The following CCDC73 variants were observed in gnomAD, a reference collection of about 807,000 sequenced individuals.
CCDC73 encodes coiled-coil domain containing 73.
A neutral mutation model predicts 116.5 loss-of-function variants in CCDC73; 95 were observed. The observed-to-expected ratio is 0.82, with a 90% confidence interval of 0.69 to 0.97. The LOEUF (loss-of-function observed/expected upper bound fraction) is 0.97. CCDC73 is among the 50% of genes least tolerant of loss of function. CCDC73 has a pLI of 0.00. For missense variants in CCDC73, 1,066 were observed against 1,206.8 expected (o/e 0.88, Z 1.73); for synonymous variants, 398 against 401.3 (o/e 0.99, Z 0.10).
intron 6 of CCDC73, among the ~76,000 whole-genome samples, chr11:32,688,067 AG>A (rs1371735193): frequency 2.0e-5 from 3 of 152,210 alleles, no homozygotes; most frequent in African/African-American, 7.2e-5. Flanking sequence ...ATATATTAAA[AG>A]TTTGGTGAGA....
chr11:32,711,677 A>G (rs1336130683), intron 3 of CCDC73, among the ~76,000 whole-genome samples: 1 of 152,184 alleles, frequency 6.6e-6, no homozygotes, highest in East Asian at 1.9e-4. Context: ...TGTTCGGGTG[A>G]TGGGTGCACC....
intron 2 of CCDC73, among the ~76,000 whole-genome samples, chr11:32,745,749 T>TG (rs1850231674): frequency 2.9e-5 from 4 of 138,602 alleles, no homozygotes; most frequent in Non-Finnish European, 4.9e-5. Flanking sequence ...GTTTTGGTTT[T>TG]TTTTTTTTTT....
At chr11:32,798,848 CT>C (rs910030540), upstream of CCDC73, among the ~76,000 whole-genome samples, 35 of 150,402 alleles carry the variant, frequency 2.3e-4, no homozygotes, top group African/African-American at 6.4e-4. Context: ...AAATTAAACA[CT>C]TTTTTTTCAC....
At chr11:32,751,871 T>C (rs1385646372) in intron 2 of CCDC73, among the ~76,000 whole-genome samples, 3 of 152,144 alleles carry the variant, frequency 2.0e-5, no homozygotes, top group South Asian at 4.1e-4. Flanking sequence ...CCTCAAAACT[T>C]AGTAATTTAA....
At chr11:32,804,367 G>T in the CCDC73 span, among the ~76,000 whole-genome samples, 2 of 152,342 alleles carry the variant, frequency 1.3e-5, no homozygotes, top group South Asian at 4.1e-4. Flanking sequence ...CTGGGTTCAG[G>T]TGATCTGCCT....
chr11:32,680,336 T>C (rs1565074586), intron 7 of CCDC73: 1 of 152,196 alleles, frequency 6.6e-6, no homozygotes, highest in Non-Finnish European at 1.5e-5. Context: ...AATAGTTAAG[T>C]ACATATTGTT....
upstream of CCDC73, among the ~76,000 whole-genome samples, chr11:32,796,154 C>G (rs954571785): frequency 9.9e-5 from 15 of 152,200 alleles, no homozygotes; most frequent in African/African-American, 3.6e-4. Context: ...TTGACCCCAC[C>G]TTGTTTTATT....
intron 2 of CCDC73, among the ~76,000 whole-genome samples, chr11:32,743,955 G>A (rs1304088396): frequency 6.6e-6 from 1 of 152,190 alleles, no homozygotes; most frequent in East Asian, 1.9e-4. Flanking sequence ...TTGAATAGGA[G>A]TGGTGAGAGA....
chr11:32,811,389 C>T, the CCDC73 span, among the ~76,000 whole-genome samples: 2 of 152,074 alleles, frequency 1.3e-5, no homozygotes, highest in African/African-American at 4.8e-5. Context: ...CTTTCATTTT[C>T]ACTCAATATT....
intron 2 of CCDC73, among the ~76,000 whole-genome samples, chr11:32,748,876 G>A (rs2133365328): frequency 6.6e-6 from 1 of 152,158 alleles, no homozygotes; most frequent in South Asian, 2.1e-4. Context: ...ATATGTCCTG[G>A]CCTGTAAGGT....
In CCDC73 at chr11:32,740,236, A is replaced by C. The variant is rs535256345; in HGVS notation, c.135+19873T>G. Among the ~76,000 whole-genome samples, 4 of 151,832 alleles carry C rather than the reference A, an allele frequency of 2.6e-5. No homozygotes were observed. The East Asian group carries it at 7.7e-4, about 29-fold the overall frequency. ...TTATGGAGGTATTCCTTCTGCCTCTACTTTTTTTTGGAATAGTTTGAGTAG... is the reference window on the plus strand; with the variant it reads ...TTATGGAGGTATTCCTTCTGCCTCTCCTTTTTTTTGGAATAGTTTGAGTAG... On this transcript the variant is annotated intron_variant, in intron 2 of 17. Transcript: ENST00000335185.
chr11:32,732,290 G>A (rs1850086138), intron 2 of CCDC73, among the ~76,000 whole-genome samples: 1 of 152,184 alleles, frequency 6.6e-6, no homozygotes, highest in African/African-American at 2.4e-5. Flanking sequence ...ATTTACGTCT[G>A]ATTGGTGTAC....
At chr11:32,742,903 T>G (rs559227111) in intron 2 of CCDC73, among the ~76,000 whole-genome samples, 1 of 152,322 alleles carries the variant, frequency 6.6e-6, no homozygotes, top group East Asian at 1.9e-4. Context: ...CACTATTTAT[T>G]AAATAGAGAA....
At chr11:32,798,296 C>CTGT (rs1353391188), upstream of CCDC73, among the ~76,000 whole-genome samples, 14 of 152,196 alleles carry the variant, frequency 9.2e-5, no homozygotes, top group Admixed American at 9.2e-4. Context: ...AAAGTATGAG[C>CTGT]TGTTGTATTA....
Position 32,695,725 on chromosome 11 carries a change from C to T in CCDC73, c.390+3526G>A, listed in dbSNP as rs1346097135. On this transcript the variant is annotated intron_variant, in intron 6 of 17. Coordinates refer to ENST00000335185, the MANE Select transcript of CCDC73 (RefSeq NM_001008391.4). Reference sequence around the variant, plus strand: ...TGTGTGGCTTCAGTTTAAAAATTTTCGTTGTTTGTTGCATTGATGTTCCCA... The same window carrying T: ...TGTGTGGCTTCAGTTTAAAAATTTTTGTTGTTTGTTGCATTGATGTTCCCA... 8.9e-5 allele frequency among the ~76,000 whole-genome samples: 12 copies of T among 134,320 alleles called. No homozygotes were observed. In the South Asian group the frequency reaches 2.0e-3, roughly 22 times the overall value. The allele number at this position is 134,320 out of a possible 152,430, so 88.1% of individuals were successfully genotyped here. A position where few individuals can be genotyped will look rare whatever the true frequency, so the allele number is the denominator to read the frequency against.
intron 1 of CCDC73, among the ~76,000 whole-genome samples, chr11:32,788,085 T>A (rs1286997484): frequency 1.3e-5 from 2 of 152,238 alleles, no homozygotes; most frequent in Non-Finnish European, 2.9e-5. Context: ...AATGGCGAAG[T>A]CTTCCACACT....
At chr11:32,796,809 A>G (rs1850731058), upstream of CCDC73, among the ~76,000 whole-genome samples, 1 of 152,088 alleles carries the variant, frequency 6.6e-6, no homozygotes, top group Admixed American at 6.6e-5. Flanking sequence ...TGGGAATTTG[A>G]GACCAGCCTG....
At chr11:32,800,037 A>G in the CCDC73 span, among the ~76,000 whole-genome samples, 1 of 152,204 alleles carries the variant, frequency 6.6e-6, no homozygotes, top group Non-Finnish European at 1.5e-5. Flanking sequence ...AGAGTTGCAT[A>G]TTAAAATTTT....
At chr11:32,781,381 G>A (rs1850582919) in intron 1 of CCDC73, among the ~76,000 whole-genome samples, 1 of 152,116 alleles carries the variant, frequency 6.6e-6, no homozygotes, top group African/African-American at 2.4e-5. Context: ...TAAAAAAGTA[G>A]AAATCTTTAT....
Sources: allele counts gnomAD v4.1 joint callset (sites outside exome capture counted in the v4.1 genomes callset), GRCh38; gene constraint gnomAD v4.1.1; transcripts MANE v1.5; gene names NCBI Gene and HGNC (gene_info 2026-07-23, HGNC 2026-07-21).